The following CHST8 variants were observed in gnomAD, a reference collection of about 807,000 sequenced individuals.
CHST8 encodes the protein carbohydrate sulfotransferase 8, also known as GALNAC-4-ST1.
In CHST8, 10 loss-of-function variants were observed where a neutral mutation model predicts 15.0. The ratio of observed to expected loss-of-function variants is 0.67; its 90% CI spans 0.41 to 1.13. The LOEUF (loss-of-function observed/expected upper bound fraction) is 1.13. Among genes scored for constraint, CHST8 ranks in the 50% most tolerant of loss-of-function variants. The probability of loss-of-function intolerance (pLI) is 0.00; values close to 1 mark genes in which losing one functional copy is unlikely to be tolerated. For synonymous variants in CHST8, 259 were observed against 256.6 expected, an observed-to-expected ratio of 1.01 and a Z score of -0.09; for missense variants, 634 against 608.2, an observed-to-expected ratio of 1.04 and a Z score of -0.45.
chr19:33,643,688 C>G (rs1191810095), intron 1 of CHST8, among the ~76,000 whole-genome samples: 3 of 152,192 alleles, frequency 2.0e-5, no homozygotes, highest in African/African-American at 7.2e-5. Flanking sequence ...CTAGTCCCAG[C>G]ACCCACGATT....
chr19:33,740,224 C>T (rs754273042), intron 3 of CHST8, among the ~76,000 whole-genome samples: 3 of 152,118 alleles, frequency 2.0e-5, no homozygotes, highest in Non-Finnish European at 4.4e-5. Flanking sequence ...CTACATCACT[C>T]GTGGGTTGTG....
intron 3 of CHST8, among the ~76,000 whole-genome samples, chr19:33,719,070 C>A (rs1257231540): frequency 1.3e-5 from 2 of 152,166 alleles, no homozygotes; most frequent in East Asian, 3.9e-4. Context: ...CTCCCCCACC[C>A]CCCTGCCAGT....
At chr19:33,748,467 T>C (rs970388720) in intron 3 of CHST8, among the ~76,000 whole-genome samples, 1 of 152,212 alleles carries the variant, frequency 6.6e-6, no homozygotes, top group Admixed American at 6.5e-5. Flanking sequence ...CGCCCCAGGT[T>C]CCTTTCCCCT....
intron 3 of CHST8, among the ~76,000 whole-genome samples, chr19:33,729,090 T>G (rs1973951869): frequency 6.6e-6 from 1 of 152,162 alleles, no homozygotes; most frequent in South Asian, 2.1e-4. Flanking sequence ...TCCCCCACTG[T>G]GCAACAGGAT....
At chr19:33,726,121 C>G (rs1378514652) in intron 3 of CHST8, among the ~76,000 whole-genome samples, 1 of 152,168 alleles carries the variant, frequency 6.6e-6, no homozygotes, top group African/African-American at 2.4e-5. Flanking sequence ...GCAGAAGGCC[C>G]TCAGGCCACT....
chr19:33,628,789 A>G (rs1299166399), intron 1 of CHST8, among the ~76,000 whole-genome samples: 1 of 152,098 alleles, frequency 6.6e-6, no homozygotes, highest in African/African-American at 2.4e-5. Context: ...CTAAACTGGT[A>G]CCTGGCTGGA....
At chr19:33,705,607 C>G (rs1973431243) in intron 3 of CHST8, among the ~76,000 whole-genome samples, 1 of 152,152 alleles carries the variant, frequency 6.6e-6, no homozygotes, top group South Asian at 2.1e-4. Flanking sequence ...CCTGGAGATG[C>G]GGGTGTGGGT....
chr19:33,638,389 C>T (rs1489779233), intron 1 of CHST8, among the ~76,000 whole-genome samples: 2 of 152,128 alleles, frequency 1.3e-5, no homozygotes, highest in African/African-American at 2.4e-5. Flanking sequence ...CGTGGGTTTT[C>T]GCAAGGGGAA....
intron 3 of CHST8, among the ~76,000 whole-genome samples, chr19:33,768,818 C>T (rs530086329): frequency 1.8e-4 from 27 of 152,250 alleles, no homozygotes; most frequent in Non-Finnish European, 2.9e-4. Context: ...GATAAGCTGC[C>T]GTAAGTCTAA....
At position 33,698,862 on chromosome 19, in the gene CHST8, T is replaced by A. The variant is rs561564909; in HGVS notation, c.130+9471T>A. Among the ~76,000 whole-genome samples, 4 of 152,164 alleles carry A rather than the reference T, an allele frequency of 2.6e-5. No homozygotes were observed. The South Asian group carries it at 8.3e-4, about 32-fold the overall frequency. The stretch of plus-strand genomic sequence containing the variant: ...GCCCTCGCCCCTCTGCACCTGCGTT[T>A]CCACTCACAGGTCGACACACTCACT... On this transcript the variant is annotated intron_variant, in intron 3 of 4. Transcript: ENST00000650847.
At chr19:33,770,337 C>T (rs963191305) in intron 3 of CHST8, among the ~76,000 whole-genome samples, 16 of 152,216 alleles carry the variant, frequency 1.1e-4, no homozygotes, top group Admixed American at 9.8e-4. Context: ...AGATCCAGCT[C>T]TCTCCTTAAG....
At chr19:33,644,363 C>G (rs1424516195) in intron 1 of CHST8, among the ~76,000 whole-genome samples, 1 of 152,082 alleles carries the variant, frequency 6.6e-6, no homozygotes, top group Non-Finnish European at 1.5e-5. Flanking sequence ...TACAGCAGGA[C>G]GTGAAGCAGA....
intron 3 of CHST8, among the ~76,000 whole-genome samples, chr19:33,698,237 C>T (rs1412542133): frequency 6.6e-6 from 1 of 152,010 alleles, no homozygotes; most frequent in Non-Finnish European, 1.5e-5. Flanking sequence ...AAAAGAACTA[C>T]AATCCTTTAT....
chr19:33,736,483 C>T (rs1400149070), intron 3 of CHST8, among the ~76,000 whole-genome samples: 1 of 152,168 alleles, frequency 6.6e-6, no homozygotes, highest in Non-Finnish European at 1.5e-5. Flanking sequence ...GAGAAGGGAT[C>T]TCTCAGAGGG....
chr19:33,768,931 G>A (rs1974909772), intron 3 of CHST8, among the ~76,000 whole-genome samples: 2 of 152,210 alleles, frequency 1.3e-5, no homozygotes, highest in African/African-American at 2.4e-5. Flanking sequence ...GGAAGTTGCA[G>A]GCAGGTTGGC....
At chr19:33,714,459 A>C (rs1305610215) in intron 3 of CHST8, among the ~76,000 whole-genome samples, 1 of 152,200 alleles carries the variant, frequency 6.6e-6, no homozygotes, top group Non-Finnish European at 1.5e-5. Context: ...ACCCATGGAC[A>C]TACAGAATGG....
chr19:33,686,519 T>C (rs1263387222), intron 2 of CHST8, among the ~76,000 whole-genome samples: 1 of 152,030 alleles, frequency 6.6e-6, no homozygotes, highest in South Asian at 2.1e-4. Flanking sequence ...ACTGAACAAA[T>C]GAGATGATGA....
chr19:33,666,201 G>A (rs924548072), intron 1 of CHST8, among the ~76,000 whole-genome samples: 5 of 152,240 alleles, frequency 3.3e-5, no homozygotes, highest in Non-Finnish European at 7.3e-5. Context: ...TGCCCCACAG[G>A]ACTGTGAAAG....
At chr19:33,625,868 T>G (rs186459329) in intron 1 of CHST8, among the ~76,000 whole-genome samples, 1 of 149,822 alleles carries the variant, frequency 6.7e-6, no homozygotes, top group East Asian at 1.9e-4. Context: ...TCAAAATAAA[T>G]TTTTTTTTTT....
Sources: allele counts gnomAD v4.1 joint callset (sites outside exome capture counted in the v4.1 genomes callset), GRCh38; gene constraint gnomAD v4.1.1; transcripts MANE v1.5; gene names NCBI Gene and HGNC (gene_info 2026-07-23, HGNC 2026-07-21).